SLCO3A1: variants seen among roughly 807,000 people sequenced by gnomAD.
SLCO3A1 encodes PGE1 transporter.
Under a neutral mutation model 63.1 loss-of-function variants are expected in SLCO3A1, and 27 were observed. The ratio of observed to expected loss-of-function variants is 0.43; its 90% CI spans 0.32 to 0.59. The LOEUF is 0.59. Ranked by LOEUF, SLCO3A1 falls within the 20% of genes least tolerant of loss-of-function variation. SLCO3A1 has a pLI of 0.09. For missense variants in SLCO3A1, 773 were observed against 945.8 expected, an observed-to-expected ratio of 0.82 and a Z score of 2.40; for synonymous variants, 473 against 409.9, an observed-to-expected ratio of 1.15 and a Z score of -1.86.
downstream of SLCO3A1, chr15:92,166,048 G>T (rs200344648): frequency 1.8e-5 from 6 of 332,070 alleles, no homozygotes; most frequent in African/African-American, 2.5e-5. Context: ...GTTTTGTTTT[G>T]TTTTTTGTTT....
intron 2 of SLCO3A1, among the ~76,000 whole-genome samples, chr15:92,074,758 G>C (rs527282290): frequency 1.5e-5 from 2 of 134,820 alleles, no homozygotes; most frequent in Non-Finnish European, 3.2e-5. Flanking sequence ...TGGGAATCTC[G>C]AGAGAGCTGA....
Position 92,165,632 on chromosome 15 carries a change from G to A in SLCO3A1, c.*2497G>A, listed in dbSNP as rs2048488086. ...CCAGGGCTGAGTTTTATCAGCAATT[G>A]GGTATAAATTTAAAGACCGCTGTTG... On this transcript the variant is annotated 3_prime_UTR_variant, in exon 10 of 10. Coordinates refer to ENST00000318445, the MANE Select transcript of SLCO3A1 (RefSeq NM_013272.4). 1.0e-6 allele frequency: 1 copy of A among 985,218 alleles called. No individual in the cohort carries two copies. The highest frequency in any genetic ancestry group is 1.7e-5 in the African/African-American group (1 of 57,208). The allele number at this position is 985,218 out of a possible 1,614,324, so 61.0% of individuals were successfully genotyped here.
chr15:92,070,441 G>A (rs571520992), intron 2 of SLCO3A1, among the ~76,000 whole-genome samples: 5 of 152,298 alleles, frequency 3.3e-5, no homozygotes, highest in African/African-American at 7.2e-5. Context: ...TTAGGAACTC[G>A]AGACCAGCCT....
At chr15:91,866,878 G>A (rs1158983473) in intron 1 of SLCO3A1, among the ~76,000 whole-genome samples, 2 of 152,162 alleles carry the variant, frequency 1.3e-5, no homozygotes, top group African/African-American at 4.8e-5. Context: ...ATTGGGCCAG[G>A]GTGGGAGATG....
chr15:91,853,738 A>G lies in SLCO3A1; in HGVS notation c.-171A>G. 1 of 514,760 alleles carries G rather than the reference A, an allele frequency of 1.9e-6. No individual in the cohort carries two copies. Among genetic ancestry groups the G allele is most frequent in the Non-Finnish European group, 2.5e-6 (1 of 392,906 alleles). 31.9% of individuals were successfully genotyped at this position (514,760 alleles called of 1,614,324 possible). A position where few individuals can be genotyped will look rare whatever the true frequency, so the allele number is the denominator to read the frequency against. On this transcript the variant is annotated 5_prime_UTR_variant, in exon 1 of 10. Transcript: ENST00000318445. ...CGCGGCGGCGGCGGCGGCGGCGAGG[A>G]GCTGTGCCTTCCACCTCTCCAGCCC...
intron 1 of SLCO3A1, among the ~76,000 whole-genome samples, chr15:91,899,272 G>C (rs1457504945): frequency 1.3e-5 from 2 of 152,142 alleles, no homozygotes; most frequent in Non-Finnish European, 2.9e-5. Flanking sequence ...TTCAGTGTGG[G>C]GGGGATGGGG....
chr15:92,090,903 A>G (rs871167), intron 2 of SLCO3A1, among the ~76,000 whole-genome samples: 79,837 of 152,012 alleles, frequency 0.53, 23,110 homozygotes, highest in Non-Finnish European at 0.65. Flanking sequence ...AAGTCGATCT[A>G]TTGTTACCCC....
At chr15:91,938,837 TA>T (rs1383315935) in intron 2 of SLCO3A1, among the ~76,000 whole-genome samples, 2 of 152,170 alleles carry the variant, frequency 1.3e-5, no homozygotes, top group Admixed American at 1.3e-4. Context: ...ATGGTAAGAC[TA>T]GGAACCACAG....
chr15:92,113,361 G>T (rs554131787), intron 4 of SLCO3A1, among the ~76,000 whole-genome samples: 1 of 152,198 alleles, frequency 6.6e-6, no homozygotes, highest in South Asian at 2.1e-4. Flanking sequence ...TGAAGCGTTG[G>T]TGACCTTAAA....
At chr15:91,864,743 C>A (rs541269270) in intron 1 of SLCO3A1, among the ~76,000 whole-genome samples, 7 of 152,092 alleles carry the variant, frequency 4.6e-5, no homozygotes, top group Non-Finnish European at 1.0e-4. Context: ...CATTTAAATC[C>A]CCCAAAAGGA....
intron 4 of SLCO3A1, among the ~76,000 whole-genome samples, chr15:92,113,686 C>T (rs995452745): frequency 3.9e-5 from 6 of 152,144 alleles, no homozygotes; most frequent in Non-Finnish European, 5.9e-5. Flanking sequence ...AAGCTGGGGC[C>T]GGAGGCTGCC....
chr15:92,053,520 C>T (rs1489099567), intron 2 of SLCO3A1, among the ~76,000 whole-genome samples: 1 of 152,046 alleles, frequency 6.6e-6, no homozygotes, highest in South Asian at 2.1e-4. Context: ...GGATCCCATC[C>T]GGGACATCGC....
At chr15:92,077,368 G>A (rs1302130602) in intron 2 of SLCO3A1, among the ~76,000 whole-genome samples, 1 of 152,124 alleles carries the variant, frequency 6.6e-6, no homozygotes, top group Admixed American at 6.5e-5. Context: ...CAGACACGGC[G>A]TGAGGACCTT....
intron 2 of SLCO3A1, among the ~76,000 whole-genome samples, chr15:92,034,519 A>T (rs897188634): frequency 6.6e-6 from 1 of 151,666 alleles, no homozygotes; most frequent in African/African-American, 2.4e-5. Context: ...GGATGTAAGA[A>T]AAAGGGAGCC....
intron 2 of SLCO3A1, among the ~76,000 whole-genome samples, chr15:92,085,833 G>C (rs1029291315): frequency 1.5e-4 from 23 of 152,142 alleles, no homozygotes; most frequent in African/African-American, 5.5e-4. Flanking sequence ...CCTTTCCCTG[G>C]TGTTCTTTAT....
At chr15:91,964,075 C>G (rs556168526) in intron 2 of SLCO3A1, among the ~76,000 whole-genome samples, 1 of 152,248 alleles carries the variant, frequency 6.6e-6, no homozygotes, top group South Asian at 2.1e-4. Context: ...CAAAAGTTCT[C>G]CAAGTCCCCA....
chr15:91,987,059 A>G (rs926329305), intron 2 of SLCO3A1, among the ~76,000 whole-genome samples: 9 of 152,158 alleles, frequency 5.9e-5, no homozygotes, highest in African/African-American at 2.2e-4. Context: ...CACAGCCCCA[A>G]AGATTCTTTG....
At chr15:92,018,069 G>A (rs191310788) in intron 2 of SLCO3A1, among the ~76,000 whole-genome samples, 1 of 152,228 alleles carries the variant, frequency 6.6e-6, no homozygotes, top group Admixed American at 6.5e-5. Flanking sequence ...TGATGATGTG[G>A]TTGAGGGCTG....
rs1231192377 is a variant in SLCO3A1, at chr15:91,863,116, G to A, written c.180+9028G>A. ...GAAGATGAAAATTTCTAAGCAGCAT[G>A]GACCCATATGTGTTTATTATGTAAG... On this transcript the variant is annotated intron_variant, in intron 1 of 9. Coordinates refer to ENST00000318445, the MANE Select transcript of SLCO3A1 (RefSeq NM_013272.4). This position sits in a 1 kb window ranked among gnomAD's most constrained non-coding sequence, Gnocchi z 4.3. 6.6e-6 allele frequency among the ~76,000 whole-genome samples: 1 copy of A among 152,216 alleles called. No individual in the cohort carries two copies. Among genetic ancestry groups the A allele is most frequent in the Non-Finnish European group, 1.5e-5 (1 of 68,042 alleles).
Sources: allele counts gnomAD v4.1 joint callset (sites outside exome capture counted in the v4.1 genomes callset), GRCh38; gene constraint gnomAD v4.1.1; non-coding constraint Gnocchi (gnomAD v3.1); transcripts MANE v1.5; gene names NCBI Gene and HGNC (gene_info 2026-07-23, HGNC 2026-07-21).